The following SPATA13 variants were observed in gnomAD, a reference collection of about 807,000 sequenced individuals.
SPATA13 encodes spermatogenesis associated 13.
In SPATA13, 50 loss-of-function variants were observed where a neutral mutation model predicts 104.0. The observed-to-expected ratio is 0.48, with a 90% CI of 0.38 to 0.61. The LOEUF is 0.61. SPATA13 is among the 20% of genes least tolerant of loss of function. The pLI, the probability that SPATA13 is intolerant of heterozygous loss-of-function variation, is 0.00. For missense variants in SPATA13, 1,524 were observed against 1,690.6 expected (o/e 0.90, Z 1.73); for synonymous variants, 606 against 667.5 (o/e 0.91, Z 1.42).
At chr13:24,032,184 C>G (rs1354628734) in intron 3 of SPATA13, among the ~76,000 whole-genome samples, 2 of 152,156 alleles carry the variant, frequency 1.3e-5, no homozygotes, top group Admixed American at 6.5e-5. Context: ...AGCTACAACC[C>G]CACCTCACCC....
intron 3 of SPATA13, among the ~76,000 whole-genome samples, chr13:24,149,372 A>C (rs1882030376): frequency 6.6e-6 from 1 of 152,160 alleles, no homozygotes; most frequent in Non-Finnish European, 1.5e-5. Context: ...CGTGGGGGTG[A>C]AATACGCATC....
At chr13:24,227,229 G>GT (rs1191880365) in intron 2 of SPATA13, among the ~76,000 whole-genome samples, 6 of 152,178 alleles carry the variant, frequency 3.9e-5, no homozygotes, top group Non-Finnish European at 2.9e-5. Context: ...TGTCTGGAGG[G>GT]TTTTTTTATG....
chr13:24,126,535 T>TTG (rs776274467), intron 3 of SPATA13, among the ~76,000 whole-genome samples: 5 of 151,928 alleles, frequency 3.3e-5, no homozygotes, highest in African/African-American at 9.7e-5. Flanking sequence ...GTATATATAT[T>TTG]TGTGTGTGTG....
intron 1 of SPATA13, among the ~76,000 whole-genome samples, chr13:24,174,732 A>G (rs1483804364): frequency 6.6e-6 from 1 of 152,080 alleles, no homozygotes; most frequent in Non-Finnish European, 1.5e-5. Flanking sequence ...GTGTGTCACC[A>G]CGCCTGGCTA....
chr13:24,159,418 A>T (rs1593367190), upstream of SPATA13, among the ~76,000 whole-genome samples: 1 of 152,212 alleles, frequency 6.6e-6, no homozygotes, highest in African/African-American at 2.4e-5. Flanking sequence ...GTGTGCTTTA[A>T]TTAATAGACT....
chr13:24,010,563 G>A (rs551565072), intron 2 of SPATA13, among the ~76,000 whole-genome samples: 5 of 151,304 alleles, frequency 3.3e-5, no homozygotes, highest in Non-Finnish European at 4.4e-5. Context: ...TAGTGATTTC[G>A]GGGTCCCAAG....
rs1040909165 is a variant in SPATA13 at position 24,303,263 on chromosome 13, T to C, written c.*490T>C. On this transcript the variant is annotated 3_prime_UTR_variant, in exon 13 of 13. Coordinates refer to ENST00000382108, the MANE Select transcript of SPATA13 (RefSeq NM_001166271.3). ...TGGTCACACTTAGAAATTGAGCTCT[T>C]ACTCTCTTCTGTAATACTGGGGGAC... is the stretch of plus-strand genomic sequence containing the variant. 4.3e-5 allele frequency: 18 copies of C among 423,170 alleles called. No individual in the cohort carries two copies. Among genetic ancestry groups the C allele is most frequent in the African/African-American group, 3.1e-4 (15 of 48,872 alleles). The allele number at this position is 423,170 out of a possible 1,614,324, so 26.2% of individuals were successfully genotyped here.
intron 3 of SPATA13, among the ~76,000 whole-genome samples, chr13:24,047,223 G>A (rs1160268981): frequency 6.6e-6 from 1 of 152,150 alleles, no homozygotes; most frequent in Non-Finnish European, 1.5e-5. Flanking sequence ...ACAATCTTAG[G>A]CAATATAAAA....
At chr13:24,140,816 C>T (rs1881738228) in intron 3 of SPATA13, among the ~76,000 whole-genome samples, 1 of 152,110 alleles carries the variant, frequency 6.6e-6, no homozygotes, top group Non-Finnish European at 1.5e-5. Context: ...GAATGTCTGC[C>T]TTGTTTTTAA....
intron 3 of SPATA13, among the ~76,000 whole-genome samples, chr13:24,072,289 G>A (rs148107265): frequency 4.6e-4 from 70 of 152,282 alleles, no homozygotes; most frequent in African/African-American, 9.9e-4. Flanking sequence ...TTTAAGTACC[G>A]TACAGCAGAA....
intron 3 of SPATA13, among the ~76,000 whole-genome samples, chr13:24,153,209 C>T (rs1183064468): frequency 6.6e-6 from 1 of 152,212 alleles, no homozygotes; most frequent in East Asian, 1.9e-4. Context: ...AGCTGTCATG[C>T]TGGTCTGTCT....
chr13:24,170,714 G>T (rs574974913), intron 1 of SPATA13, among the ~76,000 whole-genome samples: 1 of 152,204 alleles, frequency 6.6e-6, no homozygotes, highest in East Asian at 1.9e-4. Context: ...CAAAGAGACT[G>T]GTTTAGCAAG....
chr13:24,209,857 G>A (rs1292703990), intron 1 of SPATA13, among the ~76,000 whole-genome samples: 3 of 152,066 alleles, frequency 2.0e-5, no homozygotes, highest in African/African-American at 7.2e-5. Flanking sequence ...TTTCCACAGG[G>A]GCTGTACTAA....
At chr13:24,121,385 T>G (rs1272091467) in intron 3 of SPATA13, among the ~76,000 whole-genome samples, 2 of 152,186 alleles carry the variant, frequency 1.3e-5, no homozygotes, top group Non-Finnish European at 1.5e-5. Context: ...CCCCATTACA[T>G]CTTTTTATAA....
chr13:24,100,877 T>G (rs910846224), intron 3 of SPATA13, among the ~76,000 whole-genome samples: 3 of 152,204 alleles, frequency 2.0e-5, no homozygotes, highest in African/African-American at 4.8e-5. Flanking sequence ...GAGTAAGTAT[T>G]TTGAAAATAA....
intron 11 of SPATA13, 130 bp from the exon 12 acceptor site, chr13:24,300,267 GTTCT>G (rs1437438471): frequency 3.1e-6 from 2 of 648,852 alleles, no homozygotes; most frequent in African/African-American, 3.7e-5. Context: ...ACCTGTCCAC[GTTCT>G]TTGAGGATTA....
At position 24,045,157 on chromosome 13, in the gene SPATA13, G is replaced by A. The variant is rs1362550966; in HGVS notation, c.-112+27456G>A. Reference sequence around the variant, plus strand: ...GCCAATCCTTCTGACAAAGTTGTATGTTTCTGTGGCATTCTTGGAAATTTG... The same window carrying A: ...GCCAATCCTTCTGACAAAGTTGTATATTTCTGTGGCATTCTTGGAAATTTG... On this transcript the variant is annotated intron_variant, in intron 3 of 14. Transcript: ENST00000424834. Among the ~76,000 whole-genome samples the A allele has an allele frequency of 2.6e-5, 4 of 152,224 alleles. No individual in the cohort carries two copies. The South Asian group carries it at 8.3e-4, about 32-fold the overall frequency.
At chr13:24,095,381 G>A (rs1880039311) in intron 3 of SPATA13, among the ~76,000 whole-genome samples, 1 of 152,106 alleles carries the variant, frequency 6.6e-6, no homozygotes, top group South Asian at 2.1e-4. Flanking sequence ...ATAGAGATAG[G>A]AAATAGAAGG....
At chr13:24,111,574 A>T (rs1035166000) in intron 3 of SPATA13, among the ~76,000 whole-genome samples, 2 of 152,068 alleles carry the variant, frequency 1.3e-5, no homozygotes, top group African/African-American at 4.8e-5. Context: ...CACCTGGCTA[A>T]CTTGTATTTT....
Sources: allele counts gnomAD v4.1 joint callset (sites outside exome capture counted in the v4.1 genomes callset), GRCh38; gene constraint gnomAD v4.1.1; transcripts MANE v1.5; gene names NCBI Gene and HGNC (gene_info 2026-07-23, HGNC 2026-07-21).